PTPRD: variants seen among roughly 807,000 people sequenced by gnomAD.
The protein encoded by PTPRD is protein tyrosine phosphatase receptor type D.
Under a neutral mutation model 214.5 loss-of-function variants are expected in PTPRD, and 34 were observed. That is an observed-to-expected ratio of 0.16 (90% CI 0.12 to 0.21). The LOEUF (loss-of-function observed/expected upper bound fraction) is 0.21, where lower values mean the gene tolerates loss of function less well. PTPRD is among the 10% of genes least tolerant of loss of function. The probability of loss-of-function intolerance (pLI) is 1.00; values close to 1 mark genes in which losing one functional copy is unlikely to be tolerated. For missense variants in PTPRD, 2,545 were observed against 2,398.7 expected (o/e 1.06, Z -1.27); for synonymous variants, 1,128 against 845.7 (o/e 1.33, Z -5.79).
chr9:8,720,316 G>C (rs779200461), intron 12 of PTPRD, among the ~76,000 whole-genome samples: 1 of 152,220 alleles, frequency 6.6e-6, no homozygotes, highest in South Asian at 2.1e-4. Flanking sequence ...ATATGTCAGA[G>C]AGTGAAAGTA....
intron 9 of PTPRD, among the ~76,000 whole-genome samples, chr9:9,377,759 G>A (rs2061174315): frequency 6.6e-6 from 1 of 152,008 alleles, no homozygotes; most frequent in Non-Finnish European, 1.5e-5. Flanking sequence ...GGGGGCTCAG[G>A]GGGTGGTAAA....
intron 7 of PTPRD, among the ~76,000 whole-genome samples, chr9:9,725,088 A>G (rs1038045200): frequency 6.6e-6 from 1 of 152,152 alleles, no homozygotes; most frequent in African/African-American, 2.4e-5. Flanking sequence ...TAGGTTAGTC[A>G]GAGTGTCCTT....
At chr9:10,210,869 A>G (rs1327137988) in intron 3 of PTPRD, among the ~76,000 whole-genome samples, 1 of 140,766 alleles carries the variant, frequency 7.1e-6, no homozygotes, top group Non-Finnish European at 1.5e-5. Context: ...ACTCTGCTTG[A>G]ACAGCTGTGA....
Position 10,060,885 on chromosome 9 carries a change from C to CT in PTPRD, c.-544-27096dup, listed in dbSNP as rs1386414048. On this transcript the variant is annotated intron_variant, in intron 3 of 45. Transcript: ENST00000381196. ...CCTTCCTTCTTTCCTTCCTTCCTTC[C>CT]TTCCTTCCTTCCTTCTTTCTTTCTT... 4.1e-5 allele frequency among the ~76,000 whole-genome samples: 3 copies of CT among 73,270 alleles called. No individual in the cohort carries two copies. In the African/African-American group the frequency reaches 5.8e-4, roughly 14 times the overall value. 48.1% of individuals were successfully genotyped at this position (73,270 alleles called of 152,430 possible). A position where few individuals can be genotyped will look rare whatever the true frequency, so the allele number is the denominator to read the frequency against.
intron 2 of PTPRD, among the ~76,000 whole-genome samples, chr9:10,509,594 T>C (rs2047333899): frequency 6.9e-6 from 1 of 145,186 alleles, no homozygotes; most frequent in Admixed American, 6.9e-5. Context: ...ACTCACTTAC[T>C]TACTTTCTGG....
At chr9:10,303,558 C>T (rs996744765) in intron 3 of PTPRD, among the ~76,000 whole-genome samples, 1 of 151,852 alleles carries the variant, frequency 6.6e-6, no homozygotes, top group Non-Finnish European at 1.5e-5. Flanking sequence ...CAAATAGATG[C>T]AATAAAAAAT....
chr9:8,628,534 C>T (rs114568100), intron 14 of PTPRD, among the ~76,000 whole-genome samples: 227 of 148,690 alleles, frequency 1.5e-3, no homozygotes, highest in African/African-American at 5.3e-3. Context: ...ATAGGCATGT[C>T]AATGAATCAC....
chr9:9,633,150 A>C (rs1344629142), intron 7 of PTPRD, among the ~76,000 whole-genome samples: 1 of 151,772 alleles, frequency 6.6e-6, no homozygotes, highest in Non-Finnish European at 1.5e-5. Flanking sequence ...CAAAAATTAA[A>C]CATGTGTGAG....
chr9:8,865,732 C>T (rs973274500), intron 11 of PTPRD, among the ~76,000 whole-genome samples: 1 of 152,138 alleles, frequency 6.6e-6, no homozygotes, highest in Non-Finnish European at 1.5e-5. Flanking sequence ...TTAGATACCA[C>T]TGTGGCCTGG....
At chr9:8,758,871 G>A (rs1316374423) in intron 11 of PTPRD, among the ~76,000 whole-genome samples, 1 of 151,654 alleles carries the variant, frequency 6.6e-6, no homozygotes, top group African/African-American at 2.4e-5. Context: ...ATTTTTAATA[G>A]AGACGGGGTT....
At chr9:10,218,356 A>G (rs1268339275) in intron 3 of PTPRD, among the ~76,000 whole-genome samples, 1 of 151,990 alleles carries the variant, frequency 6.6e-6, no homozygotes, top group Non-Finnish European at 1.5e-5. Context: ...GTTTGAAAGA[A>G]ATTGTTCAGT....
intron 11 of PTPRD, among the ~76,000 whole-genome samples, chr9:8,886,139 A>C (rs552389157): frequency 2.6e-5 from 4 of 152,334 alleles, no homozygotes; most frequent in African/African-American, 4.8e-5. Context: ...TGAAAAACTT[A>C]AGTCCAGCTG....
intron 8 of PTPRD, among the ~76,000 whole-genome samples, chr9:9,451,886 A>C (rs1388375573): frequency 6.6e-6 from 1 of 151,620 alleles, no homozygotes; most frequent in Non-Finnish European, 1.5e-5. Context: ...AATTCATTAC[A>C]GAGAGAAGAG....
intron 11 of PTPRD, among the ~76,000 whole-genome samples, chr9:8,953,034 T>C (rs1360890289): frequency 6.6e-6 from 1 of 151,970 alleles, no homozygotes; most frequent in Non-Finnish European, 1.5e-5. Flanking sequence ...TTCCAACAAT[T>C]TTATAATATA....
chr9:10,254,759 G>T (rs1050825119), intron 3 of PTPRD, among the ~76,000 whole-genome samples: 2 of 151,914 alleles, frequency 1.3e-5, no homozygotes, highest in Non-Finnish European at 2.9e-5. Context: ...CCTGCTCAGG[G>T]GTCACAAAGA....
At chr9:9,917,982 G>T (rs1172691387) in intron 5 of PTPRD, among the ~76,000 whole-genome samples, 1 of 151,938 alleles carries the variant, frequency 6.6e-6, no homozygotes, top group South Asian at 2.1e-4. Context: ...TGAAAAGCTG[G>T]TATCTTTTTC....
Position 8,317,916 on chromosome 9 carries a change from G to A in PTPRD, c.5697C>T (p.Ala1899=), listed in dbSNP as rs201560685. The A allele has an allele frequency of 3.8e-5, 61 of 1,612,006 alleles. No individual in the cohort carries two copies. The highest frequency in any genetic ancestry group is 1.1e-4 in the East Asian group (5 of 44,824). The change falls in exon 46 of 46, where the codon GCC becomes GCT. Residue 1899 remains alanine, a synonymous_variant. Coordinates refer to ENST00000381196, the MANE Select transcript of PTPRD (RefSeq NM_002839.4). ...CAAAGCTGCCCAGGTACTCTAGTGC[G>A]GCACGATAGGAAAACTGATATTGAT... The part of the protein sequence containing the change: ...TEDQYQFSYR[A]ALEYLGSFDH...
chr9:9,227,894 A>G (rs2099960568), intron 9 of PTPRD, among the ~76,000 whole-genome samples: 1 of 152,132 alleles, frequency 6.6e-6, no homozygotes, highest in Non-Finnish European at 1.5e-5. Context: ...AGAACCATCC[A>G]GCTAAGCTGT....
At chr9:10,529,652 G>T (rs776629297) in intron 2 of PTPRD, among the ~76,000 whole-genome samples, 3 of 151,734 alleles carry the variant, frequency 2.0e-5, no homozygotes, top group Non-Finnish European at 4.4e-5. Context: ...AACCACCATG[G>T]CACATATATA....
Sources: allele counts gnomAD v4.1 joint callset (sites outside exome capture counted in the v4.1 genomes callset), GRCh38; gene constraint gnomAD v4.1.1; transcripts MANE v1.5; gene names NCBI Gene and HGNC (gene_info 2026-07-23, HGNC 2026-07-21).